Variants in PLXDC1 observed in about 807,000 individuals in gnomAD.
The protein encoded by PLXDC1 is plexin domain containing 1.
A neutral mutation model predicts 61.3 loss-of-function variants in PLXDC1; 39 were observed. That is an observed-to-expected ratio of 0.64 (90% CI 0.49 to 0.83). PLXDC1 has a LOEUF of 0.83. PLXDC1 is among the 40% of genes least tolerant of loss of function. PLXDC1 has a pLI of 0.00. For synonymous variants in PLXDC1, 212 were observed against 254.5 expected (o/e 0.83, Z 1.59); for missense variants, 596 against 666.5 (o/e 0.89, Z 1.17).
At chr17:39,071,506 T>C (rs1909117101) in intron 12 of PLXDC1, among the ~76,000 whole-genome samples, 1 of 152,174 alleles carries the variant, frequency 6.6e-6, no homozygotes, top group Non-Finnish European at 1.5e-5. Context: ...GAAACTATCC[T>C]GGGGCACTCC....
intron 12 of PLXDC1, chr17:39,070,407 C>G (rs1882472): frequency 0.27 from 44,968 of 166,110 alleles, 6,989 homozygotes; most frequent in Admixed American, 0.43. Flanking sequence ...AGCTGTGTGA[C>G]CTTGTGCAAA....
At chr17:39,093,227 C>T (rs926696386) in intron 7 of PLXDC1, among the ~76,000 whole-genome samples, 1 of 151,974 alleles carries the variant, frequency 6.6e-6, no homozygotes, top group Admixed American at 6.6e-5. Context: ...AAGGCTCATG[C>T]CCTGGTAATT....
At chr17:39,074,079 G>A (rs1363445437) in intron 11 of PLXDC1, among the ~76,000 whole-genome samples, 1 of 152,106 alleles carries the variant, frequency 6.6e-6, no homozygotes, top group Non-Finnish European at 1.5e-5. Context: ...TAGAATGTAT[G>A]GGAAAGACTC....
chr17:39,149,429 A>G (rs1319895956), intron 1 of PLXDC1, among the ~76,000 whole-genome samples: 2 of 152,044 alleles, frequency 1.3e-5, no homozygotes, highest in East Asian at 1.9e-4. Context: ...TCCTCCTCAT[A>G]GGTCCTCCTG....
At position 39,139,667 on chromosome 17, in the gene PLXDC1, C is replaced by T; in HGVS notation, c.242G>A (p.Arg81Lys). 1 of 1,613,178 alleles carries T rather than the reference C, an allele frequency of 6.2e-7. No homozygotes were observed. The highest frequency in any genetic ancestry group is 1.8e-4 in the Middle Eastern group (1 of 5,694). ...TLAMDTLPDN[R>K]TRVVEDNHSY... is the part of the protein sequence containing the mutation. ...TCCAGCACTCACCACCACCCTGGTC[C>T]TGTTATCTGGCAGCGTGTCCATGGC... Residue 81 changes from arginine (R) to lysine (K), a missense_variant, in exon 2 of 14, where the codon AGG becomes AAG. Physicochemically the swap from Arg to Lys is conservative, Grantham distance 26. Coordinates refer to ENST00000315392, the MANE Select transcript of PLXDC1 (RefSeq NM_020405.5).
At position 39,067,043 on chromosome 17, in the gene PLXDC1, CT is replaced by C. The variant is rs1448486801; in HGVS notation, c.*796del. On this transcript the variant is annotated 3_prime_UTR_variant, in exon 14 of 14. Transcript: ENST00000315392. Reference sequence around the variant, plus strand: ...GTGGGTCGGGGAGGCTCTGAGACTGCTACAGAGCAGACCATTGACAGCCTGT... The same window carrying C: ...GTGGGTCGGGGAGGCTCTGAGACTGCACAGAGCAGACCATTGACAGCCTGT... 1.3e-5 allele frequency: 2 copies of C among 152,238 alleles called. No individual in the cohort carries two copies. The highest frequency in any genetic ancestry group is 2.9e-5 in the Non-Finnish European group (2 of 68,080). The allele number at this position is 152,238 out of a possible 1,614,324, so 9.4% of individuals were successfully genotyped here.
rs575592391 is a variant in PLXDC1 at position 39,118,084 on chromosome 17, C to CCCTCCCTT, written c.256-8694_256-8693insAAGGGAGG. The stretch of plus-strand genomic sequence containing the variant: ...TCCTTCCCTCCCTCCCTCCCTCCCT[C>CCCTCCCTT]CCTTCCTTCCTTCCTTCCTTCCTTC... On this transcript the variant is annotated intron_variant, in intron 2 of 13. Coordinates refer to ENST00000315392, the MANE Select transcript of PLXDC1 (RefSeq NM_020405.5). Among the ~76,000 whole-genome samples the CCCTCCCTT allele has an allele frequency of 1.2e-3, 123 of 101,924 alleles. 1 individual carries two copies. Among genetic ancestry groups the CCCTCCCTT allele is most frequent in the Admixed American group, 6.8e-3 (61 of 8,976 alleles). The allele number at this position is 101,924 out of a possible 152,430, so 66.9% of individuals were successfully genotyped here.
At chr17:39,129,527 G>T (rs911912947) in intron 2 of PLXDC1, among the ~76,000 whole-genome samples, 1 of 151,240 alleles carries the variant, frequency 6.6e-6, no homozygotes, top group Admixed American at 6.6e-5. Context: ...TTAGGCAGGA[G>T]AATCGTTTGA....
intron 8 of PLXDC1, among the ~76,000 whole-genome samples, chr17:39,085,850 A>C (rs1428335677): frequency 1.3e-5 from 2 of 151,666 alleles, no homozygotes; most frequent in African/African-American, 4.8e-5. Flanking sequence ...CCCCTCCTTC[A>C]CCAGCTGCTT....
At chr17:39,148,804 T>C (rs999495117) in intron 1 of PLXDC1, among the ~76,000 whole-genome samples, 4 of 152,010 alleles carry the variant, frequency 2.6e-5, no homozygotes, top group Non-Finnish European at 1.5e-5. Flanking sequence ...TCTAAAGCTA[T>C]CCTCCCACCT....
chr17:39,118,788 C>T lies in PLXDC1; in HGVS notation c.256-9397G>A, dbSNP rs57205015. Among the ~76,000 whole-genome samples the T allele has an allele frequency of 7.2e-3, 1,092 of 152,296 alleles. 11 individuals carry two copies. Among genetic ancestry groups the T allele is most frequent in the African/African-American group, 0.024 (1,005 of 41,574 alleles). On this transcript the variant is annotated intron_variant, in intron 2 of 13. Transcript: ENST00000315392. ...TCTATTGGAAGCCTACAATCTACAG[C>T]TTGTGCAGCCTGAGCCAATCAGATC...
chr17:39,073,454 C>T (rs77616360), intron 11 of PLXDC1: 31,294 of 152,250 alleles, frequency 0.21, 3,979 homozygotes, highest in South Asian at 0.29. Context: ...TTTGAATCAA[C>T]TTGTTGCAAA....
chr17:39,095,366 C>T lies in PLXDC1; in HGVS notation c.812-7664G>A, dbSNP rs1167001516. On this transcript the variant is annotated intron_variant, in intron 7 of 13. Coordinates refer to ENST00000315392, the MANE Select transcript of PLXDC1 (RefSeq NM_020405.5). ...TTTTAATAAAAGAATCCTTACGCCC[C>T]GCCCCCCCCCCCCAACCCCCCAAGC... is the stretch of plus-strand genomic sequence containing the variant. Among the ~76,000 whole-genome samples the T allele has an allele frequency of 5.7e-3, 52 of 9,102 alleles. 3 individuals are homozygous for T. The highest frequency in any genetic ancestry group is 0.017 in the African/African-American group (50 of 2,898). 6.0% of individuals were successfully genotyped at this position (9,102 alleles called of 152,430 possible).
chr17:39,148,444 G>A (rs959668447), intron 1 of PLXDC1, among the ~76,000 whole-genome samples: 4 of 151,526 alleles, frequency 2.6e-5, no homozygotes, highest in East Asian at 3.9e-4. Context: ...GCAGTGGTGC[G>A]ATCTCAGCTC....
At chr17:39,135,278 T>A (rs529421187) in intron 2 of PLXDC1, among the ~76,000 whole-genome samples, 1 of 152,336 alleles carries the variant, frequency 6.6e-6, no homozygotes, top group Non-Finnish European at 1.5e-5. Flanking sequence ...GGACCCTCGA[T>A]GTGTAGCTGC....
intron 1 of PLXDC1, among the ~76,000 whole-genome samples, chr17:39,149,107 T>C (rs1261058603): frequency 6.6e-6 from 1 of 152,176 alleles, no homozygotes; most frequent in African/African-American, 2.4e-5. Context: ...TCTCCCCTGC[T>C]GTCTGACTCT....
chr17:39,109,462 T>C (rs1910719602), intron 2 of PLXDC1, 71 bp from the exon 3 acceptor site: 1 of 1,514,628 alleles, frequency 6.6e-7, no homozygotes, highest in African/African-American at 1.4e-5. Flanking sequence ...TCTCCGCCCT[T>C]CCCCACTCAG....
chr17:39,135,463 G>A (rs964862561), intron 2 of PLXDC1, among the ~76,000 whole-genome samples: 14 of 152,192 alleles, frequency 9.2e-5, no homozygotes, highest in Non-Finnish European at 1.6e-4. Context: ...GATCACCTGA[G>A]GTCAGGATTC....
chr17:39,078,108 A>C, intron 10 of PLXDC1, 60 bp from the exon 11 acceptor site: 1 of 1,472,660 alleles, frequency 6.8e-7, no homozygotes, highest in Non-Finnish European at 9.1e-7. Flanking sequence ...TTCATCCTGA[A>C]AGCATCTTCT....
Sources: allele counts gnomAD v4.1 joint callset (sites outside exome capture counted in the v4.1 genomes callset), GRCh38; gene constraint gnomAD v4.1.1; transcripts MANE v1.5; gene names NCBI Gene and HGNC (gene_info 2026-07-23, HGNC 2026-07-21).